HINT3: variants seen among roughly 807,000 people sequenced by gnomAD.
HINT3 encodes adenosine 5'-monophosphoramidase HINT3.
In HINT3, 16 loss-of-function variants were observed where a neutral mutation model predicts 19.1. That is an observed-to-expected ratio of 0.84 (90% CI 0.57 to 1.27). The LOEUF (loss-of-function observed/expected upper bound fraction) is 1.27. HINT3 is among the 50% of genes most tolerant of loss of function. HINT3 has a pLI of 0.00. For synonymous variants in HINT3, 75 were observed against 84.8 expected (o/e 0.88, Z 0.63); for missense variants, 197 against 225.8 (o/e 0.87, Z 0.82).
chr6:125,962,289 C>CACAT (rs1331649270), intron 1 of HINT3, among the ~76,000 whole-genome samples: 2 of 68,926 alleles, frequency 2.9e-5, no homozygotes, highest in Admixed American at 2.9e-4. Context: ...TATATATACA[C>CACAT]ATATATATAT....
chr6:125,966,864 C>T (rs1789024501), intron 1 of HINT3, 23 bp from the exon 2 acceptor site: 1 of 1,474,410 alleles, frequency 6.8e-7, no homozygotes, highest in African/African-American at 1.4e-5. Flanking sequence ...TAAAAATTCA[C>T]TAACAAATGT....
intron 1 of HINT3, among the ~76,000 whole-genome samples, chr6:125,965,745 C>T (rs1789008822): frequency 6.6e-6 from 1 of 152,092 alleles, no homozygotes; most frequent in African/African-American, 2.4e-5. Context: ...GAGAGAGACC[C>T]TGTCTGAAAG....
intron 3 of HINT3, 72 bp downstream of exon 3, chr6:125,972,400 A>C (rs558027241): frequency 1.1e-6 from 1 of 943,452 alleles, no homozygotes; most frequent in African/African-American, 1.7e-5. Flanking sequence ...TTCTCCATGG[A>C]AAATGGAAAC....
intron 1 of HINT3, among the ~76,000 whole-genome samples, chr6:125,959,982 A>C (rs1370559608): frequency 6.6e-6 from 1 of 152,242 alleles, no homozygotes; most frequent in Non-Finnish European, 1.5e-5. Flanking sequence ...AGTTTATTAG[A>C]TGGCAGAAAA....
chr6:125,973,154 C>T (rs528759939), intron 3 of HINT3, among the ~76,000 whole-genome samples: 1 of 129,918 alleles, frequency 7.7e-6, no homozygotes, highest in South Asian at 2.7e-4. Context: ...TGGCTCACTG[C>T]AACCTCTGCC....
At chr6:125,959,486 G>A (rs73590226) in intron 1 of HINT3, among the ~76,000 whole-genome samples, 22,217 of 152,214 alleles carry the variant, frequency 0.15, 5,274 homozygotes, top group African/African-American at 0.5. Flanking sequence ...GTATGTCCTT[G>A]CAGAGTCAGA....
At position 125,960,655 on chromosome 6, in the gene HINT3, T is replaced by TGGCGG. The variant is rs1554209587; in HGVS notation, c.201+3479_201+3480insCGGGG. ...CTGGGTGACAGAGCAAGACTCTCTCTGGGGGGGGGGAAAAAAAAAGAAGTT... is the reference window on the plus strand; with the variant it reads ...CTGGGTGACAGAGCAAGACTCTCTCTGGCGGGGGGGGGGGGAAAAAAAAAGAAGTT... On this transcript the variant is annotated intron_variant, in intron 1 of 4. Coordinates refer to ENST00000229633, the MANE Select transcript of HINT3 (RefSeq NM_138571.5). Among the ~76,000 whole-genome samples, 21 of 76,268 alleles carry TGGCGG rather than the reference T, an allele frequency of 2.8e-4. 3 individuals are homozygous for TGGCGG. The highest frequency in any genetic ancestry group is 1.5e-3 in the Admixed American group (8 of 5,178). 50.0% of individuals were successfully genotyped at this position (76,268 alleles called of 152,430 possible). A position where few individuals can be genotyped will look rare whatever the true frequency, so the allele number is the denominator to read the frequency against.
rs1789199296 is a variant in HINT3, at chr6:125,977,787, G to A, written c.*111G>A. ...GATTTGTTGGGTTTTATGAGAGGCT[G>A]TTACTTAGTGGCCTTAAATCTTTTC... is the stretch of plus-strand genomic sequence containing the variant. On this transcript the variant is annotated 3_prime_UTR_variant, in exon 5 of 5. Transcript: ENST00000229633. The A allele has an allele frequency of 1.7e-6, 1 of 580,378 alleles. No individual in the cohort carries two copies. Among genetic ancestry groups the A allele is most frequent in the Non-Finnish European group, 3.1e-6 (1 of 325,352 alleles). 36.0% of individuals were successfully genotyped at this position (580,378 alleles called of 1,614,324 possible). A position where few individuals can be genotyped will look rare whatever the true frequency, so the allele number is the denominator to read the frequency against.
At chr6:125,969,907 G>C (rs1196122135) in intron 2 of HINT3, among the ~76,000 whole-genome samples, 1 of 152,114 alleles carries the variant, frequency 6.6e-6, no homozygotes, top group Non-Finnish European at 1.5e-5. Flanking sequence ...GGTTTTCTAG[G>C]TATGGACTCA....
intron 1 of HINT3, among the ~76,000 whole-genome samples, chr6:125,958,848 A>T (rs1788877180): frequency 6.6e-6 from 1 of 152,224 alleles, no homozygotes; most frequent in Non-Finnish European, 1.5e-5. Flanking sequence ...ACACACACAC[A>T]TAAAACAGGC....
intron 1 of HINT3, among the ~76,000 whole-genome samples, chr6:125,961,758 A>G (rs1035610808): frequency 6.6e-6 from 1 of 152,054 alleles, no homozygotes; most frequent in African/African-American, 2.4e-5. Context: ...GGGGCCTTTT[A>G]TGGAGTCTTC....
At chr6:125,971,211 G>A (rs921112887) in intron 2 of HINT3, among the ~76,000 whole-genome samples, 3 of 152,194 alleles carry the variant, frequency 2.0e-5, no homozygotes, top group Non-Finnish European at 4.4e-5. Flanking sequence ...GAATTTGGAA[G>A]CCAGAGTCAT....
At chr6:125,965,668 A>G (rs1024408562) in intron 1 of HINT3, among the ~76,000 whole-genome samples, 1 of 152,036 alleles carries the variant, frequency 6.6e-6, no homozygotes, top group Non-Finnish European at 1.5e-5. Flanking sequence ...GGGAGGATCA[A>G]CTGAGCTCAG....
Position 125,956,877 on chromosome 6 carries a change from C to G in HINT3, c.-101C>G. The G allele has an allele frequency of 8.4e-7, 1 of 1,191,666 alleles. No homozygotes were observed. Among genetic ancestry groups the G allele is most frequent in the Non-Finnish European group, 1.2e-6 (1 of 854,222 alleles). The allele number at this position is 1,191,666 out of a possible 1,614,324, so 73.8% of individuals were successfully genotyped here. ...TCACCGCCCAGCGTCAGGCGAGGGGCGACGTCTCGAGGTAAAACGGAGGAG... is the reference window on the plus strand; with the variant it reads ...TCACCGCCCAGCGTCAGGCGAGGGGGGACGTCTCGAGGTAAAACGGAGGAG... On this transcript the variant is annotated 5_prime_UTR_variant, in exon 1 of 5. Transcript: ENST00000229633.
At chr6:125,974,367 A>C (rs908144938) in intron 3 of HINT3, among the ~76,000 whole-genome samples, 2 of 152,160 alleles carry the variant, frequency 1.3e-5, no homozygotes, top group Non-Finnish European at 2.9e-5. Context: ...GACATAATTA[A>C]TCTCACTACT....
rs946612136 is a variant in HINT3, at chr6:125,969,043, C to A, written c.319+2039C>A. 2.0e-5 allele frequency among the ~76,000 whole-genome samples: 3 copies of A among 152,052 alleles called. No homozygotes were observed. In the South Asian group the frequency reaches 6.2e-4, roughly 32 times the overall value. ...TACTTGTCAATTTGTGTTTTTATTG[C>A]GTTGCTCTTGAGGACTTAGTCATAA... On this transcript the variant is annotated intron_variant, in intron 2 of 4. Transcript: ENST00000229633.
Position 125,961,508 on chromosome 6 carries a change from G to T in HINT3, c.201+4330G>T, listed in dbSNP as rs1435045614. 3.3e-5 allele frequency among the ~76,000 whole-genome samples: 5 copies of T among 152,196 alleles called. No individual in the cohort carries two copies. In the East Asian group the frequency reaches 7.7e-4, roughly 23 times the overall value. On this transcript the variant is annotated intron_variant, in intron 1 of 4. Coordinates refer to ENST00000229633, the MANE Select transcript of HINT3 (RefSeq NM_138571.5). ...ACTTCTGACCGACCAGCTTGAAGTT[G>T]GGGATCCCACAAGCTTCTCTTTGGG...
chr6:125,971,962 C>T lies in HINT3; in HGVS notation c.320-297C>T, dbSNP rs567402247. Among the ~76,000 whole-genome samples the T allele has an allele frequency of 2.5e-3, 381 of 152,196 alleles. 1 individual carries two copies. The highest frequency in any genetic ancestry group is 4.3e-3 in the Non-Finnish European group (290 of 68,004). Reference sequence around the variant, plus strand: ...TCCTGACCTCGTGATCCGCCTGCCTCGGCCTCCCAAAGTGCTGGGATTACA... The same window carrying T: ...TCCTGACCTCGTGATCCGCCTGCCTTGGCCTCCCAAAGTGCTGGGATTACA... On this transcript the variant is annotated intron_variant, in intron 2 of 4. Transcript: ENST00000229633.
chr6:125,973,209 G>A (rs1562215077), intron 3 of HINT3, among the ~76,000 whole-genome samples: 1 of 151,572 alleles, frequency 6.6e-6, no homozygotes, highest in Non-Finnish European at 1.5e-5. Flanking sequence ...CCACGTAGCT[G>A]GGATTGTGTG....
Sources: allele counts gnomAD v4.1 joint callset (sites outside exome capture counted in the v4.1 genomes callset), GRCh38; gene constraint gnomAD v4.1.1; transcripts MANE v1.5; gene names NCBI Gene and HGNC (gene_info 2026-07-23, HGNC 2026-07-21).